Variants in MAP3K20 observed in about 807,000 individuals in gnomAD.
The protein encoded by MAP3K20 is mitogen-activated protein kinase kinase kinase 20.
In MAP3K20, 40 loss-of-function variants were observed where a neutral mutation model predicts 85.7. The ratio of observed to expected loss-of-function variants is 0.47; its 90% confidence interval spans 0.36 to 0.61. MAP3K20 has a LOEUF of 0.61. MAP3K20 is among the 20% of genes least tolerant of loss of function. The pLI, the probability that MAP3K20 is intolerant of heterozygous loss-of-function variation, is 0.00. For synonymous variants in MAP3K20, 325 were observed against 327.7 expected, an observed-to-expected ratio of 0.99 and a Z score of 0.09; for missense variants, 817 against 961.7, an observed-to-expected ratio of 0.85 and a Z score of 1.99.
intron 3 of MAP3K20, among the ~76,000 whole-genome samples, chr2:173,173,091 G>C (rs1690048006): frequency 6.6e-6 from 1 of 151,710 alleles, no homozygotes; most frequent in South Asian, 2.1e-4. Context: ...CGCCCAGCCT[G>C]GATCATCTTT....
At chr2:173,180,506 G>A (rs1690292891) in intron 3 of MAP3K20, among the ~76,000 whole-genome samples, 1 of 151,918 alleles carries the variant, frequency 6.6e-6, no homozygotes, top group African/African-American at 2.4e-5. Context: ...AATCCCATCT[G>A]TACAAAAAAT....
intron 3 of MAP3K20, among the ~76,000 whole-genome samples, chr2:173,181,403 G>A (rs1690321445): frequency 6.6e-6 from 1 of 151,982 alleles, no homozygotes; most frequent in South Asian, 2.1e-4. Context: ...TGGTGAGGAT[G>A]TGGAGAAACT....
chr2:173,185,015 G>T (rs1330481685), intron 4 of MAP3K20, among the ~76,000 whole-genome samples: 10 of 152,186 alleles, frequency 6.6e-5, no homozygotes, highest in Non-Finnish European at 1.5e-4. Context: ...GCCGAGGAAG[G>T]TGGATCACCT....
intron 16 of MAP3K20, among the ~76,000 whole-genome samples, chr2:173,241,534 G>A (rs918605322): frequency 1.3e-5 from 2 of 152,094 alleles, no homozygotes; most frequent in African/African-American, 4.8e-5. Context: ...AGGATCACTT[G>A]AGCTCAGGAG....
chr2:173,109,555 A>G (rs1423832834), intron 2 of MAP3K20, among the ~76,000 whole-genome samples: 1 of 152,154 alleles, frequency 6.6e-6, no homozygotes, highest in East Asian at 1.9e-4. Context: ...CAAGTTGAGT[A>G]AGAAGAAATC....
chr2:173,266,367 T>A lies in MAP3K20; in HGVS notation c.2020T>A (p.Ser674Thr). The A allele has an allele frequency of 6.2e-7, 1 of 1,614,122 alleles. No homozygotes were observed. The highest frequency in any genetic ancestry group is 8.5e-7 in the Non-Finnish European group (1 of 1,180,016). Residue 674 changes from serine (S) to threonine (T), a missense_variant, in exon 20 of 20, where the codon TCA becomes ACA. Transcript: ENST00000375213. ...TDTSSERGRY[S>T]DRSRNKYGRG... is the part of the protein sequence containing the mutation. ...CACCTCTTCAGAGAGGGGTCGATAC[T>A]CAGACAGAAGCAGGAACAAATATGG... is the stretch of plus-strand genomic sequence containing the variant.
chr2:173,199,561 A>C (rs1690966087), intron 8 of MAP3K20, among the ~76,000 whole-genome samples: 1 of 152,202 alleles, frequency 6.6e-6, no homozygotes, highest in Non-Finnish European at 1.5e-5. Flanking sequence ...TTTACAAATG[A>C]AAGCAAAGAA....
chr2:173,165,961 T>TC (rs1689808010), intron 2 of MAP3K20, among the ~76,000 whole-genome samples: 1 of 152,100 alleles, frequency 6.6e-6, no homozygotes. Context: ...CAGGCATGAG[T>TC]CCCCGTGCCT....
intron 10 of MAP3K20, chr2:173,210,996 A>T (rs1396025801): frequency 3.9e-5 from 6 of 152,232 alleles, no homozygotes; most frequent in African/African-American, 1.4e-4. Flanking sequence ...TCTAGGTATA[A>T]GGGACTTTTT....
chr2:173,103,299 G>A (rs966470167), intron 2 of MAP3K20, among the ~76,000 whole-genome samples: 11 of 152,118 alleles, frequency 7.2e-5, no homozygotes, highest in African/African-American at 2.7e-4. Context: ...GTGCAAAGAA[G>A]CCTAGGGATT....
At chr2:173,203,173 C>CA (rs1350739033) in intron 8 of MAP3K20, among the ~76,000 whole-genome samples, 3 of 152,228 alleles carry the variant, frequency 2.0e-5, no homozygotes, top group Non-Finnish European at 4.4e-5. Flanking sequence ...GGAATAGAGG[C>CA]ACCACAAGTT....
rs1683569097 is a variant in MAP3K20, at chr2:173,203,666, A to G, written c.670-130A>G. ...ATTGTCACTTGTCACATATTAATCA[A>G]TGGAAGCTTTAAATTTCATGCCTTA... On this transcript the variant is annotated intron_variant, in intron 8 of 19. Coordinates refer to ENST00000375213, the MANE Select transcript of MAP3K20 (RefSeq NM_016653.3). 4 of 698,522 alleles carry G rather than the reference A, an allele frequency of 5.7e-6. No homozygotes were observed. The South Asian group carries it at 7.1e-5, about 12-fold the overall frequency. The allele number at this position is 698,522 out of a possible 1,614,324, so 43.3% of individuals were successfully genotyped here.
chr2:173,078,606 C>T (rs1354356820), intron 1 of MAP3K20, among the ~76,000 whole-genome samples: 1 of 152,130 alleles, frequency 6.6e-6, no homozygotes, highest in African/African-American at 2.4e-5. Context: ...GCTGAAGCAT[C>T]GTCCTAATAG....
intron 2 of MAP3K20, among the ~76,000 whole-genome samples, chr2:173,138,623 C>G (rs1688872743): frequency 6.6e-6 from 1 of 152,206 alleles, no homozygotes; most frequent in South Asian, 2.1e-4. Flanking sequence ...AGGTGATGTT[C>G]AGTAGCAACA....
chr2:173,196,218 T>G (rs1690832789), intron 7 of MAP3K20, among the ~76,000 whole-genome samples: 1 of 152,176 alleles, frequency 6.6e-6, no homozygotes, highest in Non-Finnish European at 1.5e-5. Context: ...ATCCATTAAT[T>G]TACTTGCCCT....
intron 19 of MAP3K20, among the ~76,000 whole-genome samples, chr2:173,265,214 G>A (rs1213527405): frequency 6.6e-6 from 1 of 152,204 alleles, no homozygotes; most frequent in Non-Finnish European, 1.5e-5. Context: ...TGCGTGAGCA[G>A]GGGGTGGAGT....
intron 9 of MAP3K20, among the ~76,000 whole-genome samples, chr2:173,205,200 AAGT>A (rs1312914254): frequency 3.9e-5 from 6 of 151,984 alleles, no homozygotes; most frequent in Non-Finnish European, 5.9e-5. Flanking sequence ...AAAGGAACAA[AAGT>A]TTTATAGTTT....
chr2:173,170,033 A>C (rs1216427754), intron 3 of MAP3K20, 141 bp downstream of exon 3: 1 of 728,206 alleles, frequency 1.4e-6, no homozygotes, highest in Non-Finnish European at 2.3e-6. Context: ...TAAAGCATTA[A>C]TAAAACTGAT....
At chr2:173,157,796 G>C (rs1689521312) in intron 2 of MAP3K20, among the ~76,000 whole-genome samples, 2 of 152,168 alleles carry the variant, frequency 1.3e-5, no homozygotes. Context: ...GTTAGATCTT[G>C]GTTCTTGACC....
Sources: gnomAD v4.1 joint callset for allele counts (sites outside exome capture counted in the v4.1 genomes callset) on GRCh38, gnomAD v4.1.1 for gene constraint, MANE v1.5 for transcripts, NCBI Gene and HGNC (gene_info 2026-07-23, HGNC 2026-07-21) for gene names.